PBX1: variants seen among roughly 807,000 people sequenced by gnomAD.
The protein encoded by PBX1 is PBX homeobox 1.
Under a neutral mutation model 53.4 loss-of-function variants are expected in PBX1, and 6 were observed. The observed-to-expected ratio is 0.11, with a 90% CI of 0.06 to 0.22. The LOEUF is 0.22. Ranked by LOEUF, PBX1 falls within the 10% of genes least tolerant of loss-of-function variation. PBX1 has a pLI of 1.00. For synonymous variants in PBX1, 204 were observed against 212.3 expected (o/e 0.96, Z 0.34); for missense variants, 251 against 551.4 (o/e 0.46, Z 5.46).
At chr1:164,677,861 A>C (rs973136999) in intron 2 of PBX1, among the ~76,000 whole-genome samples, 3 of 152,184 alleles carry the variant, frequency 2.0e-5, no homozygotes, top group Admixed American at 6.5e-5. Flanking sequence ...TAGTGATGGA[A>C]TAGGATGGCA....
chr1:164,800,166 A>C (rs564743267), intron 4 of PBX1, among the ~76,000 whole-genome samples: 100 of 152,258 alleles, frequency 6.6e-4, no homozygotes, highest in African/African-American at 2.1e-3. Flanking sequence ...TTTTCATAGC[A>C]CTAGGTACCT....
At chr1:164,772,125 T>C (rs1490294002) in intron 2 of PBX1, among the ~76,000 whole-genome samples, 1 of 152,238 alleles carries the variant, frequency 6.6e-6, no homozygotes, top group African/African-American at 2.4e-5. Flanking sequence ...CCATTTTAGC[T>C]ACAGACAGGA....
chr1:164,798,384 A>G (rs1161028416), intron 3 of PBX1, among the ~76,000 whole-genome samples: 3 of 152,230 alleles, frequency 2.0e-5, no homozygotes, highest in African/African-American at 7.2e-5. Flanking sequence ...TTGTGAATCT[A>G]ATATAGTTTT....
intron 8 of PBX1, among the ~76,000 whole-genome samples, chr1:164,830,221 A>G (rs999884510): frequency 6.6e-6 from 1 of 152,226 alleles, no homozygotes; most frequent in Non-Finnish European, 1.5e-5. Flanking sequence ...GTAGGAAGAA[A>G]TAATTTACTA....
At chr1:164,681,588 C>T (rs1306075704) in intron 2 of PBX1, among the ~76,000 whole-genome samples, 1 of 152,128 alleles carries the variant, frequency 6.6e-6, no homozygotes, top group Non-Finnish European at 1.5e-5. Context: ...GCTTCAGTAA[C>T]CTGTTGAAGC....
intron 2 of PBX1, among the ~76,000 whole-genome samples, chr1:164,589,223 A>C (rs186474917): frequency 2.2e-4 from 34 of 151,978 alleles, no homozygotes; most frequent in Admixed American, 5.9e-4. Flanking sequence ...TGGAAGGAGG[A>C]GGGGGGCGCG....
chr1:164,821,520 A>G lies in PBX1; in HGVS notation c.1111-17A>G, dbSNP rs1670153089. On this transcript the variant is annotated splice_polypyrimidine_tract_variant and intron_variant, in intron 7 of 8. Coordinates refer to ENST00000420696, the MANE Select transcript of PBX1 (RefSeq NM_002585.4). ...CTCTCTGACTAATTTTCTCTCTGTT[A>G]TTGTTCATCTGTTTAGGTGGATACC... The G allele has an allele frequency of 6.3e-7, 1 of 1,599,544 alleles. No individual in the cohort carries two copies. The highest frequency in any genetic ancestry group is 8.6e-7 in the Non-Finnish European group (1 of 1,167,040).
chr1:164,691,212 G>A (rs759733865), intron 2 of PBX1, among the ~76,000 whole-genome samples: 4 of 151,540 alleles, frequency 2.6e-5, no homozygotes, highest in Admixed American at 6.6e-5. Flanking sequence ...ATGGGGTTTC[G>A]CCATGTTGGC....
chr1:164,753,613 A>C (rs868235417), intron 2 of PBX1, among the ~76,000 whole-genome samples: 1 of 152,236 alleles, frequency 6.6e-6, no homozygotes, highest in Admixed American at 6.5e-5. Flanking sequence ...CAGGTCGGCC[A>C]GACCCATTTG....
chr1:164,789,879 TGA>T (rs1207896472), intron 2 of PBX1, among the ~76,000 whole-genome samples: 2 of 152,158 alleles, frequency 1.3e-5, no homozygotes, highest in Non-Finnish European at 2.9e-5. Flanking sequence ...AGTGAGCGAA[TGA>T]GAGAGTAGAA....
At chr1:164,854,039 T>C (rs1195382007), downstream of PBX1, among the ~76,000 whole-genome samples, 2 of 151,648 alleles carry the variant, frequency 1.3e-5, no homozygotes, top group South Asian at 2.1e-4. Flanking sequence ...CCAAGTAGTT[T>C]GGATTACAGG....
At chr1:164,648,980 G>T (rs1389040150) in intron 2 of PBX1, among the ~76,000 whole-genome samples, 1 of 152,150 alleles carries the variant, frequency 6.6e-6, no homozygotes, top group East Asian at 1.9e-4. Context: ...ACAGTTTTGT[G>T]ATTGATGTGA....
intron 2 of PBX1, among the ~76,000 whole-genome samples, chr1:164,875,142 T>A (rs187224647): frequency 2.8e-4 from 42 of 152,298 alleles, no homozygotes; most frequent in African/African-American, 9.9e-4. Context: ...GAGTTCATGC[T>A]GCCAGACCTC....
rs377702068 is a variant in PBX1 at position 164,742,644 on chromosome 1, G to A, written c.266-49850G>A. Among the ~76,000 whole-genome samples the A allele has an allele frequency of 6.6e-5, 10 of 152,256 alleles. 1 individual carries two copies. The East Asian group carries it at 1.4e-3, about 21-fold the overall frequency. ...AAGACACATTGAGGCCAATATCTAC[G>A]TTAGAACTCAGGTATCTACTTAAGG... On this transcript the variant is annotated intron_variant, in intron 2 of 8. Coordinates refer to ENST00000420696, the MANE Select transcript of PBX1 (RefSeq NM_002585.4).
Position 164,849,495 on chromosome 1 carries a change from T to C in PBX1, c.*2819T>C. 6.6e-7 allele frequency: 1 copy of C among 1,521,564 alleles called. No individual in the cohort carries two copies. The highest frequency in any genetic ancestry group is 1.2e-5 in the South Asian group (1 of 83,194). 94.3% of individuals were successfully genotyped at this position (1,521,564 alleles called of 1,614,324 possible). ...CTCTGGAAACACAGCTTCCTGGGAA[T>C]TCACATGAGGCCAGTCCTACAGAGA... On this transcript the variant is annotated 3_prime_UTR_variant, in exon 9 of 9. Coordinates refer to ENST00000420696, the MANE Select transcript of PBX1 (RefSeq NM_002585.4).
chr1:164,859,964 A>C (rs999451787), intron 2 of PBX1, among the ~76,000 whole-genome samples: 2 of 152,226 alleles, frequency 1.3e-5, no homozygotes, highest in African/African-American at 4.8e-5. Flanking sequence ...GCTTATGGGA[A>C]CAGATGTAGA....
At chr1:164,844,159 A>T (rs1320330676) in intron 8 of PBX1, among the ~76,000 whole-genome samples, 5 of 123,286 alleles carry the variant, frequency 4.1e-5, no homozygotes, top group African/African-American at 6.2e-5. Flanking sequence ...ACTTCATGAC[A>T]TTGTACTTAA....
At chr1:164,686,876 G>C (rs1037915427) in intron 2 of PBX1, among the ~76,000 whole-genome samples, 1 of 151,660 alleles carries the variant, frequency 6.6e-6, no homozygotes, top group Middle Eastern at 3.2e-3. Flanking sequence ...AGAATGTCGT[G>C]AACCTGGGAG....
intron 2 of PBX1, among the ~76,000 whole-genome samples, chr1:164,726,290 C>T (rs749221060): frequency 2.0e-4 from 30 of 152,128 alleles, no homozygotes; most frequent in Non-Finnish European, 3.2e-4. Context: ...ATGGTCTTTC[C>T]CTGCCATGGG....
Sources: allele counts gnomAD v4.1 joint callset (sites outside exome capture counted in the v4.1 genomes callset), GRCh38; gene constraint gnomAD v4.1.1; transcripts MANE v1.5; gene names NCBI Gene and HGNC (gene_info 2026-07-23, HGNC 2026-07-21).